Variants in MINDY2 observed in about 807,000 individuals in gnomAD.
The protein encoded by MINDY2 is MINDY lysine 48 deubiquitinase 2, also known as ubiquitin carboxyl-terminal hydrolase MINDY-2.
In MINDY2, 52 loss-of-function variants were observed where a neutral mutation model predicts 68.2. The observed-to-expected ratio is 0.76, with a 90% confidence interval of 0.61 to 0.96. MINDY2 has a LOEUF of 0.96. Among genes scored for constraint, MINDY2 ranks in the 40% least tolerant of loss-of-function variants. The pLI, the probability that MINDY2 is intolerant of heterozygous loss-of-function variation, is 0.00. For missense variants in MINDY2, 881 were observed against 773.4 expected (o/e 1.14, Z -1.65); for synonymous variants, 372 against 303.0 (o/e 1.23, Z -2.36).
chr15:58,825,993 T>C (rs2031369880), intron 5 of MINDY2, among the ~76,000 whole-genome samples: 1 of 152,180 alleles, frequency 6.6e-6, no homozygotes, highest in Non-Finnish European at 1.5e-5. Context: ...TTCAAATATT[T>C]ATTGAGCCTT....
intron 5 of MINDY2, among the ~76,000 whole-genome samples, chr15:58,828,472 C>T (rs1211557419): frequency 7.2e-5 from 11 of 151,780 alleles, no homozygotes; most frequent in Admixed American, 7.2e-4. Flanking sequence ...TATAGTACCT[C>T]TGTAACTTCA....
At chr15:58,826,332 C>T (rs1034161277) in intron 5 of MINDY2, among the ~76,000 whole-genome samples, 25 of 149,430 alleles carry the variant, frequency 1.7e-4, no homozygotes, top group East Asian at 4.0e-4. Flanking sequence ...CAGGCTCAAG[C>T]GATTCTCCTT....
At chr15:58,850,618 C>CT (rs1418156255) in intron 7 of MINDY2, among the ~76,000 whole-genome samples, 1 of 152,172 alleles carries the variant, frequency 6.6e-6, no homozygotes, top group Admixed American at 6.5e-5. Context: ...AACAGGGTCT[C>CT]AGTCACCTAG....
chr15:58,802,354 A>G lies in MINDY2; in HGVS notation c.940A>G (p.Ile314Val), dbSNP rs759566999. The change falls in exon 3 of 9, where the codon ATT (isoleucine) becomes GTT (valine). Residue 314 changes from isoleucine (I) to valine (V), a missense_variant. Ile to Val is a conservative substitution (Grantham distance 29). Transcript: ENST00000559228. ...TGCAAAGCCAAAAGAAATTTCAGAA[A>G]TTCAACGTTTAAATTATGAACAGGT... Reference protein sequence around the residue: ...LDAKPKEISEIQRLNYEQNMS... With the variant: ...LDAKPKEISEVQRLNYEQNMS... 1 of 1,589,002 alleles carries G rather than the reference A, an allele frequency of 6.3e-7. No homozygotes were observed. The highest frequency in any genetic ancestry group is 1.2e-5 in the South Asian group (1 of 85,056).
intron 5 of MINDY2, 122 bp from the exon 6 acceptor site, chr15:58,831,652 G>T (rs2031732764): frequency 2.6e-6 from 2 of 781,280 alleles, no homozygotes; most frequent in South Asian, 4.2e-5. Context: ...TCATAAAGTA[G>T]TAGGGAAAGT....
At chr15:58,776,086 C>T (rs1900753391) in intron 1 of MINDY2, among the ~76,000 whole-genome samples, 1 of 152,080 alleles carries the variant, frequency 6.6e-6, no homozygotes. Context: ...TCTCGAACTC[C>T]TGACCTCAGG....
At chr15:58,833,834 G>A (rs564798084) in intron 6 of MINDY2, among the ~76,000 whole-genome samples, 4 of 151,922 alleles carry the variant, frequency 2.6e-5, no homozygotes, top group Non-Finnish European at 5.9e-5. Context: ...ACTGCAAAGA[G>A]GCGTTCCTTC....
chr15:58,779,027 A>G (rs971454165), intron 1 of MINDY2, among the ~76,000 whole-genome samples: 8 of 150,894 alleles, frequency 5.3e-5, no homozygotes, highest in Non-Finnish European at 1.0e-4. Context: ...CTTCCAAACT[A>G]TTAAGATTAC....
chr15:58,774,129 C>T (rs1900618953), intron 1 of MINDY2, among the ~76,000 whole-genome samples: 1 of 152,204 alleles, frequency 6.6e-6, no homozygotes, highest in Non-Finnish European at 1.5e-5. Flanking sequence ...TCATTCAATT[C>T]AGACAGATTC....
At chr15:58,807,187 A>G (rs1375665648) in intron 3 of MINDY2, among the ~76,000 whole-genome samples, 1 of 151,806 alleles carries the variant, frequency 6.6e-6, no homozygotes, top group East Asian at 1.9e-4. Context: ...TACTGTTCTT[A>G]TTTTGTGTCT....
intron 1 of MINDY2, among the ~76,000 whole-genome samples, chr15:58,780,410 A>C (rs111563124): frequency 0.023 from 3,506 of 152,290 alleles, 46 homozygotes; most frequent in Middle Eastern, 0.044. Flanking sequence ...CTCAAAAAAA[A>C]AAAAGAAAGA....
intron 3 of MINDY2, among the ~76,000 whole-genome samples, chr15:58,804,463 C>T (rs149114298): frequency 1.4e-3 from 220 of 152,254 alleles, no homozygotes; most frequent in African/African-American, 4.7e-3. Context: ...ATTTTACTTT[C>T]GTTGCCTAAT....
At position 58,859,775 on chromosome 15, in the gene MINDY2, A is replaced by G. The variant is rs2033165940; in HGVS notation, c.*5165A>G. On this transcript the variant is annotated 3_prime_UTR_variant, in exon 9 of 9. Coordinates refer to ENST00000559228, the MANE Select transcript of MINDY2 (RefSeq NM_001040450.3). ...CCTGGTGTTTTTGCTCTTAGATGTTAGAGTTTAATAAATTGTGATACGCAT... is the reference window on the plus strand; with the variant it reads ...CCTGGTGTTTTTGCTCTTAGATGTTGGAGTTTAATAAATTGTGATACGCAT... The G allele has an allele frequency of 6.6e-6, 1 of 152,206 alleles. No homozygotes were observed. Among genetic ancestry groups the G allele is most frequent in the South Asian group, 2.1e-4 (1 of 4,832 alleles). 9.4% of individuals were successfully genotyped at this position (152,206 alleles called of 1,614,324 possible).
intron 2 of MINDY2, among the ~76,000 whole-genome samples, chr15:58,801,902 G>A (rs1902689305): frequency 6.6e-6 from 1 of 152,212 alleles, no homozygotes; most frequent in Admixed American, 6.5e-5. Flanking sequence ...ACAGGCGTGA[G>A]CCACCAAACC....
chr15:58,796,885 A>G (rs546326305), intron 2 of MINDY2, among the ~76,000 whole-genome samples: 5 of 152,136 alleles, frequency 3.3e-5, no homozygotes, highest in Admixed American at 6.6e-5. Flanking sequence ...CCTGTTTCCT[A>G]TCCAGCTCTT....
At chr15:58,791,143 G>A (rs1456651262) in intron 2 of MINDY2, among the ~76,000 whole-genome samples, 2 of 142,010 alleles carry the variant, frequency 1.4e-5, no homozygotes, top group Non-Finnish European at 3.1e-5. Context: ...TCACGCCACT[G>A]CACTCCAGCC....
chr15:58,785,150 A>G lies in MINDY2; in HGVS notation c.841-2756A>G, dbSNP rs1006170442. On this transcript the variant is annotated intron_variant, in intron 1 of 8. Coordinates refer to ENST00000559228, the MANE Select transcript of MINDY2 (RefSeq NM_001040450.3). ...TGAAGGAAAGCAAAAAAAAAAAAAA[A>G]AAAAAAAAGAAAAGCAAGCTTTTGG... Among the ~76,000 whole-genome samples, 14 of 140,156 alleles carry G rather than the reference A, an allele frequency of 1.0e-4. No individual in the cohort carries two copies. In the East Asian group the frequency reaches 3.0e-3, roughly 30 times the overall value. 91.9% of individuals were successfully genotyped at this position (140,156 alleles called of 152,430 possible). A position where few individuals can be genotyped will look rare whatever the true frequency, so the allele number is the denominator to read the frequency against.
intron 3 of MINDY2, among the ~76,000 whole-genome samples, chr15:58,808,765 C>CGACTA (rs1555430998): frequency 1.3e-5 from 2 of 152,022 alleles, no homozygotes; most frequent in Non-Finnish European, 2.9e-5. Flanking sequence ...CCACCATGCC[C>CGACTA]GACTAATTTT....
Position 58,856,940 on chromosome 15 carries a change from C to T in MINDY2, c.*2330C>T, listed in dbSNP as rs2033078510. The T allele has an allele frequency of 6.6e-6, 1 of 152,128 alleles. No individual in the cohort carries two copies. The highest frequency in any genetic ancestry group is 2.1e-4 in the South Asian group (1 of 4,824). 9.4% of individuals were successfully genotyped at this position (152,128 alleles called of 1,614,324 possible). A position where few individuals can be genotyped will look rare whatever the true frequency, so the allele number is the denominator to read the frequency against. ...TTAATTTGTTCCAAAGAAAATGCTG[C>T]CATACTGCATTCCCTCTGGAAGGAA... On this transcript the variant is annotated 3_prime_UTR_variant, in exon 9 of 9. Coordinates refer to ENST00000559228, the MANE Select transcript of MINDY2 (RefSeq NM_001040450.3).
Sources: allele counts gnomAD v4.1 joint callset (sites outside exome capture counted in the v4.1 genomes callset), GRCh38; gene constraint gnomAD v4.1.1; transcripts MANE v1.5; gene names NCBI Gene and HGNC (gene_info 2026-07-23, HGNC 2026-07-21).